The following TMEM132B variants were observed in gnomAD, a reference collection of about 807,000 sequenced individuals.
TMEM132B encodes transmembrane protein 132B.
Under a neutral mutation model 90.8 loss-of-function variants are expected in TMEM132B, and 18 were observed. The observed-to-expected ratio is 0.20, with a 90% confidence interval of 0.14 to 0.29. The LOEUF is 0.29. Ranked by LOEUF, TMEM132B falls within the 10% of genes least tolerant of loss-of-function variation. The pLI is 1.00. For missense variants in TMEM132B, 1,096 were observed against 1,326.8 expected, an observed-to-expected ratio of 0.83 and a Z score of 2.70; for synonymous variants, 504 against 523.3, an observed-to-expected ratio of 0.96 and a Z score of 0.50.
intron 1 of TMEM132B, among the ~76,000 whole-genome samples, chr12:125,287,260 G>A (rs1379471950): frequency 6.6e-6 from 1 of 151,934 alleles, no homozygotes; most frequent in Non-Finnish European, 1.5e-5. Context: ...ATGACATCAT[G>A]CCCACCTGGA....
At chr12:125,314,813 T>C (rs1385830303) in intron 1 of TMEM132B, among the ~76,000 whole-genome samples, 1 of 152,174 alleles carries the variant, frequency 6.6e-6, no homozygotes, top group African/African-American at 2.4e-5. Context: ...GAAATTAGAA[T>C]AAAGATTAGC....
chr12:125,273,884 G>A (rs922589774), intron 1 of TMEM132B, among the ~76,000 whole-genome samples: 1 of 152,116 alleles, frequency 6.6e-6, no homozygotes, highest in South Asian at 2.1e-4. Context: ...GTCTGGTCTT[G>A]AACTTCTGAC....
intron 4 of TMEM132B, among the ~76,000 whole-genome samples, chr12:125,572,454 G>C (rs1358799321): frequency 6.6e-6 from 1 of 152,216 alleles, no homozygotes; most frequent in African/African-American, 2.4e-5. Flanking sequence ...TGGAAGCAGA[G>C]GGCAGCCCTC....
chr12:125,265,606 C>T (rs1243549998), intron 1 of TMEM132B, among the ~76,000 whole-genome samples: 2 of 152,108 alleles, frequency 1.3e-5, no homozygotes, highest in Non-Finnish European at 2.9e-5. Context: ...ACAACTTTTG[C>T]GAACTGAACA....
chr12:125,187,381 TC>T (rs1182477474), intron 1 of TMEM132B, among the ~76,000 whole-genome samples: 1 of 150,006 alleles, frequency 6.7e-6, no homozygotes, highest in Non-Finnish European at 1.5e-5. Context: ...CCCGCGGCCC[TC>T]CCCTGCTTTC....
chr12:125,366,688 A>AT (rs1255617872), intron 2 of TMEM132B, among the ~76,000 whole-genome samples: 1 of 152,152 alleles, frequency 6.6e-6, no homozygotes, highest in East Asian at 1.9e-4. Context: ...GTGTAGTTAA[A>AT]TTTGTACATT....
intron 1 of TMEM132B, among the ~76,000 whole-genome samples, chr12:125,194,756 G>A (rs1257981219): frequency 1.3e-5 from 2 of 151,854 alleles, no homozygotes; most frequent in Non-Finnish European, 2.9e-5. Context: ...GGGTGGGAGG[G>A]GAACCTGTTT....
chr12:125,303,098 A>T (rs914841384), intron 1 of TMEM132B, among the ~76,000 whole-genome samples: 1 of 148,034 alleles, frequency 6.8e-6, no homozygotes, highest in Non-Finnish European at 1.5e-5. Context: ...TCTGCATATT[A>T]AAAAAAAAAC....
chr12:125,435,566 G>C (rs1403696981), intron 3 of TMEM132B, among the ~76,000 whole-genome samples: 1 of 152,364 alleles, frequency 6.6e-6, no homozygotes, highest in South Asian at 2.1e-4. Flanking sequence ...CCAGGCACTA[G>C]TATAGGTGCT....
chr12:125,488,298 A>G (rs138680843), intron 3 of TMEM132B, among the ~76,000 whole-genome samples: 5 of 152,348 alleles, frequency 3.3e-5, no homozygotes, highest in African/African-American at 7.2e-5. Flanking sequence ...CATAAAGTCT[A>G]TAAATCAGTT....
intron 5 of TMEM132B, among the ~76,000 whole-genome samples, chr12:125,591,031 GTGTGTT>G (rs982104514): frequency 3.3e-5 from 5 of 152,098 alleles, no homozygotes; most frequent in African/African-American, 1.2e-4. Flanking sequence ...GTGTGTGTGT[GTGTGTT>G]TGTGTGTGTG....
chr12:125,577,447 C>A (rs1462860898), intron 4 of TMEM132B, among the ~76,000 whole-genome samples: 2 of 150,602 alleles, frequency 1.3e-5, no homozygotes, highest in Admixed American at 6.6e-5. Context: ...CATTGGTTTT[C>A]TGTATTATAT....
intron 1 of TMEM132B, among the ~76,000 whole-genome samples, chr12:125,331,561 G>A (rs968658897): frequency 6.6e-6 from 1 of 152,164 alleles, no homozygotes; most frequent in Non-Finnish European, 1.5e-5. Context: ...AAGAAGCTGA[G>A]TCTCTTCCCC....
At chr12:125,618,207 C>T (rs1399027939) in intron 5 of TMEM132B, among the ~76,000 whole-genome samples, 2 of 152,112 alleles carry the variant, frequency 1.3e-5, no homozygotes, top group South Asian at 2.1e-4. Context: ...CCTGCCTCTC[C>T]CAAATTGGAA....
intron 2 of TMEM132B, among the ~76,000 whole-genome samples, chr12:125,398,382 G>C (rs1021239266): frequency 6.6e-6 from 1 of 152,210 alleles, no homozygotes; most frequent in East Asian, 1.9e-4. Context: ...AAAGAAGACC[G>C]ATGTGAGAAA....
intron 3 of TMEM132B, among the ~76,000 whole-genome samples, chr12:125,478,268 A>T (rs2136519199): frequency 6.6e-6 from 1 of 152,346 alleles, no homozygotes; most frequent in East Asian, 1.9e-4. Context: ...AGAATGACTG[A>T]CGATTTGACA....
chr12:125,610,526 A>T (rs750265519), intron 5 of TMEM132B, among the ~76,000 whole-genome samples: 1 of 151,722 alleles, frequency 6.6e-6, no homozygotes, highest in African/African-American at 2.4e-5. Flanking sequence ...TTCTTTATTG[A>T]TATGCTCATT....
chr12:125,612,578 T>C (rs958049087), intron 5 of TMEM132B, among the ~76,000 whole-genome samples: 2 of 144,708 alleles, frequency 1.4e-5, no homozygotes, highest in Admixed American at 1.4e-4. Context: ...ATATATAAAA[T>C]ATATATTATA....
intron 5 of TMEM132B, among the ~76,000 whole-genome samples, chr12:125,602,258 A>T (rs531146693): frequency 2.2e-4 from 33 of 152,358 alleles, no homozygotes; most frequent in Admixed American, 4.6e-4. Context: ...CAAAAAGCTT[A>T]TCTACCGTGA....
Sources: allele counts gnomAD v4.1 joint callset (sites outside exome capture counted in the v4.1 genomes callset), GRCh38; gene constraint gnomAD v4.1.1; transcripts MANE v1.5; gene names NCBI Gene and HGNC (gene_info 2026-07-23, HGNC 2026-07-21).